GRIK2: variants seen among roughly 807,000 people sequenced by gnomAD.
GRIK2 encodes glutamate ionotropic receptor kainate type subunit 2, also known as glutamate receptor ionotropic, kainate 2.
In GRIK2, 32 loss-of-function variants were observed where a neutral mutation model predicts 100.3. That is an observed-to-expected ratio of 0.32 (90% CI 0.24 to 0.43). The LOEUF is 0.43. GRIK2 is among the 20% of genes least tolerant of loss of function. GRIK2 has a pLI of 1.00. For missense variants in GRIK2, 843 were observed against 1,114.9 expected (o/e 0.76, Z 3.47); for synonymous variants, 417 against 389.4 (o/e 1.07, Z -0.83).
Position 101,634,524 on chromosome 6 carries a change from A to C in GRIK2, c.541+7887A>C, listed in dbSNP as rs117223297. On this transcript the variant is annotated intron_variant, in intron 4 of 16. Coordinates refer to ENST00000369134, the MANE Select transcript of GRIK2 (RefSeq NM_021956.5). ...GTCTGGGCAGGCATATAATGCTTCCATTGGCATTTTGCTGTGCCCTTCATT... is the reference window on the plus strand; with the variant it reads ...GTCTGGGCAGGCATATAATGCTTCCCTTGGCATTTTGCTGTGCCCTTCATT... Among the ~76,000 whole-genome samples, 732 of 152,240 alleles carry C rather than the reference A, an allele frequency of 4.8e-3. 4 individuals are homozygous for C. The highest frequency in any genetic ancestry group is 0.021 in the East Asian group (111 of 5,170).
chr6:101,666,471 C>G (rs1770041512), intron 4 of GRIK2, among the ~76,000 whole-genome samples: 1 of 152,176 alleles, frequency 6.6e-6, no homozygotes, highest in African/African-American at 2.4e-5. Flanking sequence ...GAGCTGATGC[C>G]ACATAGCTCA....
chr6:101,587,484 C>T (rs1209605663), intron 2 of GRIK2, among the ~76,000 whole-genome samples: 1 of 151,886 alleles, frequency 6.6e-6, no homozygotes, highest in African/African-American at 2.4e-5. Context: ...ATAGGATTTC[C>T]AGAAGGAGCT....
intron 7 of GRIK2, among the ~76,000 whole-genome samples, chr6:101,725,531 G>T (rs187470826): frequency 6.6e-6 from 1 of 152,024 alleles, no homozygotes; most frequent in East Asian, 1.9e-4. Flanking sequence ...CATTGATTTA[G>T]TATTTTTCAC....
chr6:101,633,000 G>A (rs1019176058), intron 4 of GRIK2, among the ~76,000 whole-genome samples: 1 of 152,108 alleles, frequency 6.6e-6, no homozygotes, highest in African/African-American at 2.4e-5. Context: ...ATGTGAAGAT[G>A]ACTGAGGGAG....
At chr6:101,782,967 C>T (rs1779192662) in intron 7 of GRIK2, among the ~76,000 whole-genome samples, 1 of 151,620 alleles carries the variant, frequency 6.6e-6, no homozygotes, top group Non-Finnish European at 1.5e-5. Context: ...CACCATTCTC[C>T]TGCCTCAGCT....
At chr6:101,958,249 A>G (rs2128481416) in intron 14 of GRIK2, among the ~76,000 whole-genome samples, 1 of 7,822 alleles carries the variant, frequency 1.3e-4, no homozygotes, top group East Asian at 5.3e-3. Context: ...GTATTGCTAC[A>G]TATTTGTGTG....
chr6:101,804,933 T>C (rs1413930698), intron 9 of GRIK2, among the ~76,000 whole-genome samples: 1 of 152,120 alleles, frequency 6.6e-6, no homozygotes, highest in Admixed American at 6.6e-5. Context: ...GTCCTCATTT[T>C]AAATTTAGTA....
intron 2 of GRIK2, among the ~76,000 whole-genome samples, chr6:101,524,190 T>C (rs896447017): frequency 6.6e-6 from 1 of 152,208 alleles, no homozygotes; most frequent in African/African-American, 2.4e-5. Flanking sequence ...TTTGAAGCTT[T>C]ATGTTGAGAA....
intron 7 of GRIK2, among the ~76,000 whole-genome samples, chr6:101,723,727 T>C (rs1461612602): frequency 2.0e-5 from 3 of 152,002 alleles, no homozygotes; most frequent in Admixed American, 6.6e-5. Flanking sequence ...GCTAATAGCA[T>C]CTATATAATA....
chr6:101,749,836 A>G (rs1300047071), intron 7 of GRIK2, among the ~76,000 whole-genome samples: 6 of 124,804 alleles, frequency 4.8e-5, no homozygotes, highest in Non-Finnish European at 9.6e-5. Flanking sequence ...TGTGTGAGAC[A>G]GGGTCTTACT....
At chr6:101,972,911 A>G (rs1793141923) in intron 14 of GRIK2, among the ~76,000 whole-genome samples, 1 of 151,714 alleles carries the variant, frequency 6.6e-6, no homozygotes, top group Admixed American at 6.6e-5. Flanking sequence ...CTATGTGTCT[A>G]TTTTTGTATC....
At chr6:101,618,535 A>G (rs1363125065) in intron 2 of GRIK2, among the ~76,000 whole-genome samples, 1 of 151,788 alleles carries the variant, frequency 6.6e-6, no homozygotes, top group African/African-American at 2.4e-5. Flanking sequence ...TCTAAACATA[A>G]ACTTCATCAG....
At chr6:101,909,548 A>C (rs1482064928) in intron 12 of GRIK2, among the ~76,000 whole-genome samples, 1 of 150,968 alleles carries the variant, frequency 6.6e-6, no homozygotes, top group Non-Finnish European at 1.5e-5. Flanking sequence ...GAGTAGTCAC[A>C]GATGGACTTC....
intron 2 of GRIK2, among the ~76,000 whole-genome samples, chr6:101,546,869 C>T (rs1283709873): frequency 2.8e-5 from 3 of 105,424 alleles, no homozygotes; most frequent in Admixed American, 1.5e-4. Context: ...CTCGCTCTGT[C>T]GCCCAGGCTG....
chr6:101,538,972 C>A (rs373256673), intron 2 of GRIK2, among the ~76,000 whole-genome samples: 1 of 150,992 alleles, frequency 6.6e-6, no homozygotes, highest in Non-Finnish European at 1.5e-5. Flanking sequence ...ATAATTTGAA[C>A]GTGTCAGATA....
At chr6:101,979,458 G>A (rs529429345) in intron 14 of GRIK2, among the ~76,000 whole-genome samples, 4 of 152,126 alleles carry the variant, frequency 2.6e-5, no homozygotes, top group Admixed American at 2.6e-4. Flanking sequence ...AAGGTGAGTA[G>A]AATGTTCACA....
At chr6:101,673,800 C>T (rs1283934651) in intron 4 of GRIK2, among the ~76,000 whole-genome samples, 5 of 152,054 alleles carry the variant, frequency 3.3e-5, no homozygotes, top group African/African-American at 1.2e-4. Flanking sequence ...ATATCATTTT[C>T]CCCTGTATAC....
At chr6:101,959,599 T>C (rs1213118284) in intron 14 of GRIK2, among the ~76,000 whole-genome samples, 4 of 152,134 alleles carry the variant, frequency 2.6e-5, no homozygotes, top group African/African-American at 9.6e-5. Flanking sequence ...TTTCTGATCT[T>C]TGTTATTTCT....
chr6:102,041,061 T>TAAGTC (rs1397967944), intron 15 of GRIK2, among the ~76,000 whole-genome samples: 1 of 151,548 alleles, frequency 6.6e-6, no homozygotes, highest in African/African-American at 2.4e-5. Flanking sequence ...GCATATTTGT[T>TAAGTC]AAGTCTAGAT....
Sources: allele counts gnomAD v4.1 joint callset (sites outside exome capture counted in the v4.1 genomes callset), GRCh38; gene constraint gnomAD v4.1.1; transcripts MANE v1.5; gene names NCBI Gene and HGNC (gene_info 2026-07-23, HGNC 2026-07-21).